The following NLGN1 variants were observed in gnomAD, a reference collection of about 807,000 sequenced individuals.
The protein encoded by NLGN1 is neuroligin 1, also known as neuroligin-1.
A neutral mutation model predicts 65.5 loss-of-function variants in NLGN1; 12 were observed. The observed-to-expected ratio is 0.18, with a 90% CI of 0.12 to 0.30. The LOEUF (loss-of-function observed/expected upper bound fraction) is 0.30. Among genes scored for constraint, NLGN1 ranks in the 10% least tolerant of loss-of-function variants. The probability of loss-of-function intolerance (pLI) is 1.00; values close to 1 mark genes in which losing one functional copy is unlikely to be tolerated. For synonymous variants in NLGN1, 350 were observed against 359.5 expected (o/e 0.97, Z 0.30); for missense variants, 750 against 1,007.1 (o/e 0.74, Z 3.46).
At chr3:174,042,627 A>G (rs1732594518) in intron 4 of NLGN1, among the ~76,000 whole-genome samples, 2 of 152,238 alleles carry the variant, frequency 1.3e-5, no homozygotes, top group Admixed American at 6.5e-5. Context: ...AAATAATACT[A>G]TCAATTACCA....
intron 4 of NLGN1, among the ~76,000 whole-genome samples, chr3:174,199,090 G>A (rs889124941): frequency 3.3e-5 from 5 of 151,876 alleles, no homozygotes; most frequent in Non-Finnish European, 7.4e-5. Context: ...CAGGTGATCC[G>A]CCCACCTCGG....
intron 4 of NLGN1, among the ~76,000 whole-genome samples, chr3:174,205,438 T>C (rs1370471682): frequency 6.6e-6 from 1 of 152,190 alleles, no homozygotes; most frequent in Non-Finnish European, 1.5e-5. Context: ...TTTTAATTTT[T>C]GTTAACATTT....
chr3:173,397,635 C>T (rs530375518), upstream of NLGN1: 2 of 153,296 alleles, frequency 1.3e-5, no homozygotes, highest in Admixed American at 6.5e-5. Flanking sequence ...TCAGTCCCCC[C>T]ACCCGCGGCT....
At chr3:173,501,325 A>C (rs1420009260) in intron 2 of NLGN1, among the ~76,000 whole-genome samples, 1 of 152,038 alleles carries the variant, frequency 6.6e-6, no homozygotes, top group Non-Finnish European at 1.5e-5. Context: ...CTCATTGTTC[A>C]GCTCCCACTT....
At position 173,725,595 on chromosome 3, in the gene NLGN1, A is replaced by C. The variant is rs73880558; in HGVS notation, c.494-82085A>C. 4.8e-3 allele frequency among the ~76,000 whole-genome samples: 724 copies of C among 152,342 alleles called. 6 individuals are homozygous for C. The highest frequency in any genetic ancestry group is 0.017 in the African/African-American group (689 of 41,586). ...CACTACAGCATACAGAAAAAGAAAC[A>C]GGTATTGCATTAGTTTTCTATGCTG... On this transcript the variant is annotated intron_variant, in intron 3 of 6. Transcript: ENST00000457714.
intron 3 of NLGN1, among the ~76,000 whole-genome samples, chr3:173,805,552 T>C (rs749861122): frequency 6.6e-6 from 1 of 152,202 alleles, no homozygotes; most frequent in Non-Finnish European, 1.5e-5. Flanking sequence ...GTGGCAGGTC[T>C]TCTCAATGTG....
At position 173,539,393 on chromosome 3, in the gene NLGN1, AC is replaced by A. The variant is rs1560404489; in HGVS notation, c.-320-64885del. 6.8e-5 allele frequency among the ~76,000 whole-genome samples: 10 copies of A among 146,828 alleles called. No homozygotes were observed. In the South Asian group the frequency reaches 8.4e-4, roughly 12 times the overall value. On this transcript the variant is annotated intron_variant, in intron 2 of 6. Coordinates refer to ENST00000457714, the Ensembl canonical transcript of NLGN1. ...ATATATATGTGTATATATATAAAAA[AC>A]ATATATATGTTATATATTATATATG...
chr3:173,591,249 T>C (rs1289160441), intron 2 of NLGN1, among the ~76,000 whole-genome samples: 1 of 152,204 alleles, frequency 6.6e-6, no homozygotes, highest in African/African-American at 2.4e-5. Context: ...GTTACACAAA[T>C]GGCCCATGAA....
intron 4 of NLGN1, among the ~76,000 whole-genome samples, chr3:174,091,281 C>T (rs114751503): frequency 0.018 from 2,720 of 152,214 alleles, 44 homozygotes; most frequent in Non-Finnish European, 0.028. Flanking sequence ...AACCATCAGG[C>T]GGTTTCTATA....
chr3:173,538,223 C>G lies in NLGN1; in HGVS notation c.-320-66056C>G, dbSNP rs765742081. On this transcript the variant is annotated intron_variant, in intron 2 of 6. Transcript: ENST00000457714. ...GACCGCATACAGCCTTCTGGAGAAC[C>G]TTGCCCCATCCCTGCAAGGTATTGC... 6.6e-5 allele frequency among the ~76,000 whole-genome samples: 10 copies of G among 152,248 alleles called. No individual in the cohort carries two copies. The South Asian group carries it at 1.2e-3, about 19-fold the overall frequency.
At chr3:173,443,367 A>C (rs1423675431) in intron 2 of NLGN1, among the ~76,000 whole-genome samples, 1 of 149,234 alleles carries the variant, frequency 6.7e-6, no homozygotes, top group East Asian at 1.9e-4. Flanking sequence ...TAAAAGGATA[A>C]ATTGAAGCTC....
chr3:173,548,982 T>C (rs1232569309), intron 2 of NLGN1, among the ~76,000 whole-genome samples: 1 of 152,000 alleles, frequency 6.6e-6, no homozygotes, highest in African/African-American at 2.4e-5. Flanking sequence ...TTGAAAAACA[T>C]TGTTCTATTG....
intron 2 of NLGN1, among the ~76,000 whole-genome samples, chr3:173,500,388 C>A (rs1349124179): frequency 6.6e-6 from 1 of 152,140 alleles, no homozygotes; most frequent in Admixed American, 6.5e-5. Context: ...AGCCTTGCCT[C>A]CAAGGGATGA....
At chr3:174,204,549 G>C (rs1735061200) in intron 4 of NLGN1, among the ~76,000 whole-genome samples, 1 of 152,114 alleles carries the variant, frequency 6.6e-6, no homozygotes, top group South Asian at 2.1e-4. Context: ...CTAAACATAG[G>C]GTTGGGGTTT....
intron 2 of NLGN1, among the ~76,000 whole-genome samples, chr3:173,583,926 T>C (rs551407521): frequency 2.0e-5 from 3 of 152,262 alleles, no homozygotes; most frequent in African/African-American, 7.2e-5. Flanking sequence ...TTTAAATGTT[T>C]TTCTAAAAGC....
chr3:173,413,324 G>A (rs989373007), intron 1 of NLGN1, among the ~76,000 whole-genome samples: 22 of 151,924 alleles, frequency 1.4e-4, no homozygotes, highest in African/African-American at 4.4e-4. Context: ...CTTCTCGGCC[G>A]GGTGCTGTGG....
At chr3:173,886,564 G>A (rs910464744) in intron 4 of NLGN1, among the ~76,000 whole-genome samples, 1 of 151,948 alleles carries the variant, frequency 6.6e-6, no homozygotes, top group Non-Finnish European at 1.5e-5. Context: ...GATTCCTACA[G>A]CTCTTAAATT....
chr3:173,819,455 A>C (rs1229261044), intron 4 of NLGN1, among the ~76,000 whole-genome samples: 1 of 152,068 alleles, frequency 6.6e-6, no homozygotes, highest in Non-Finnish European at 1.5e-5. Flanking sequence ...CTTCTTGTCA[A>C]ACTTTACCTT....
chr3:173,755,422 C>A (rs1350896352), intron 3 of NLGN1, among the ~76,000 whole-genome samples: 5 of 152,040 alleles, frequency 3.3e-5, no homozygotes, highest in African/African-American at 1.2e-4. Flanking sequence ...TTTGCAATAT[C>A]TATATTTTTT....
Sources: allele counts gnomAD v4.1 joint callset (sites outside exome capture counted in the v4.1 genomes callset), GRCh38; gene constraint gnomAD v4.1.1; transcripts MANE v1.5; gene names NCBI Gene and HGNC (gene_info 2026-07-23, HGNC 2026-07-21).